ATP6V0A1: variants seen among roughly 807,000 people sequenced by gnomAD.
ATP6V0A1 encodes V-type proton ATPase 116 kDa subunit a 1.
ATP6V0A1 carries 43 observed loss-of-function variants against 105.4 expected under a neutral mutation model. That is an observed-to-expected ratio of 0.41 (90% confidence interval 0.32 to 0.53). The LOEUF (loss-of-function observed/expected upper bound fraction) is 0.53. ATP6V0A1 is among the 20% of genes least tolerant of loss of function. The pLI, the probability that ATP6V0A1 is intolerant of heterozygous loss-of-function variation, is 0.30. For synonymous variants in ATP6V0A1, 362 were observed against 372.8 expected, an observed-to-expected ratio of 0.97 and a Z score of 0.33; for missense variants, 676 against 1,051.1, an observed-to-expected ratio of 0.64 and a Z score of 4.93.
chr17:42,470,314 T>G (rs2087719369), intron 5 of ATP6V0A1, 96 bp downstream of exon 5: 2 of 1,475,538 alleles, frequency 1.4e-6, no homozygotes, highest in African/African-American at 2.8e-5. Flanking sequence ...AATTTGCTAG[T>G]TTGGAAGCAA....
In ATP6V0A1 at chr17:42,468,079, C is replaced by T. The variant is rs1166231450; in HGVS notation, c.266C>T (p.Pro89Leu). Residue 89 changes from proline to leucine, a missense_variant, in exon 4 of 22, where the codon CCC (proline) becomes CTC (leucine). Physicochemically the swap from Pro to Leu is moderately conservative, Grantham distance 98 (BLOSUM62 -3). Coordinates refer to ENST00000343619, the MANE Select transcript of ATP6V0A1 (RefSeq NM_001130021.3). ...IMDTGENPEV[P>L]FPRDMIDLEA... ...GACACCGGTGAAAACCCAGAGGTTC[C>T]CTTCCCCCGGGACATGATTGACTTA... 1 of 1,599,206 alleles carries T rather than the reference C, an allele frequency of 6.3e-7. No homozygotes were observed. Among genetic ancestry groups the T allele is most frequent in the Non-Finnish European group, 8.5e-7 (1 of 1,172,320 alleles).
intron 21 of ATP6V0A1, chr17:42,520,486 T>C: frequency 2.2e-6 from 1 of 456,694 alleles, no homozygotes; most frequent in East Asian, 6.9e-5. Flanking sequence ...GAGAATATTT[T>C]TGCCATTGCT....
chr17:42,498,862 A>G (rs932668438), intron 14 of ATP6V0A1, 62 bp from the exon 15 acceptor site: 1 of 1,140,928 alleles, frequency 8.8e-7, no homozygotes, highest in African/African-American at 1.6e-5. Flanking sequence ...TTTTAAACAG[A>G]GGAATATTTT....
intron 21 of ATP6V0A1, chr17:42,520,690 G>C (rs1263895009): frequency 4.7e-6 from 2 of 422,788 alleles, no homozygotes; most frequent in Admixed American, 6.0e-5. Context: ...TGCCAGGAGG[G>C]GGCGATGGGG....
rs781753639 is a variant in ATP6V0A1 at position 42,522,440 on chromosome 17, C to G, written c.*1320C>G. ...ACCTGACCCGACCTTGTGCAGCCCC[C>G]CTGCCCTGGTGTCCTGGGTTTTCGT... is the stretch of plus-strand genomic sequence containing the variant. On this transcript the variant is annotated 3_prime_UTR_variant, in exon 22 of 22. Transcript: ENST00000343619. 2 of 152,752 alleles carry G rather than the reference C, an allele frequency of 1.3e-5. No individual in the cohort carries two copies. The highest frequency in any genetic ancestry group is 2.9e-5 in the Non-Finnish European group (2 of 68,410). The allele number at this position is 152,752 out of a possible 1,614,324, so 9.5% of individuals were successfully genotyped here.
At chr17:42,461,399 T>C (rs902348316) in intron 2 of ATP6V0A1, among the ~76,000 whole-genome samples, 4 of 152,212 alleles carry the variant, frequency 2.6e-5, no homozygotes, top group African/African-American at 7.2e-5. Context: ...GCTACAGATA[T>C]ATAGTATATA....
At chr17:42,496,703 C>T (rs938638612) in intron 14 of ATP6V0A1, among the ~76,000 whole-genome samples, 14 of 151,914 alleles carry the variant, frequency 9.2e-5, no homozygotes, top group African/African-American at 2.2e-4. Context: ...TAGCTGGGCA[C>T]GGTGGCATAT....
chr17:42,495,120 C>T lies in ATP6V0A1; in HGVS notation c.1401C>T (p.Cys467=), dbSNP rs777693334. The change falls in exon 13 of 22, where the codon TGC becomes TGT. Residue 467 remains cysteine (C), a synonymous_variant. Transcript: ENST00000343619. The part of the protein sequence containing the change: ...SMYTGLIYND[C]FSKSLNIFGS... ...ACACTGGCCTCATCTACAATGATTG[C>T]TTTTCCAAGTCTCTTAATATCTTTG... The T allele has an allele frequency of 3.5e-5, 56 of 1,613,892 alleles. No individual in the cohort carries two copies. The East Asian group carries it at 1.2e-3, about 35-fold the overall frequency.
intron 15 of ATP6V0A1, among the ~76,000 whole-genome samples, chr17:42,500,321 A>T (rs1293372318): frequency 6.6e-6 from 1 of 152,110 alleles, no homozygotes; most frequent in East Asian, 1.9e-4. Context: ...TCTACAAAAA[A>T]ATGTAAAAAT....
intron 12 of ATP6V0A1, chr17:42,494,684 A>G: frequency 1.7e-6 from 1 of 587,310 alleles, no homozygotes. Context: ...GAGGCAGGAG[A>G]ATCACTTGAG....
chr17:42,463,158 G>A (rs2086644558), intron 2 of ATP6V0A1, among the ~76,000 whole-genome samples: 2 of 83,790 alleles, frequency 2.4e-5, no homozygotes, highest in African/African-American at 4.4e-5. Flanking sequence ...GCACACCGCC[G>A]AGCCCGGCTA....
chr17:42,462,790 A>T (rs1276499841), intron 2 of ATP6V0A1, among the ~76,000 whole-genome samples: 1 of 151,382 alleles, frequency 6.6e-6, no homozygotes, highest in Non-Finnish European at 1.5e-5. Flanking sequence ...ATTAAGAAAA[A>T]AAATAGAGAT....
intron 4 of ATP6V0A1, among the ~76,000 whole-genome samples, chr17:42,468,405 C>G (rs2087399484): frequency 6.6e-6 from 1 of 152,154 alleles, no homozygotes; most frequent in Non-Finnish European, 1.5e-5. Context: ...TCTCTTCTAG[C>G]TATTTTGAAA....
intron 14 of ATP6V0A1, chr17:42,496,112 T>C (rs1292414549): frequency 6.0e-6 from 1 of 165,844 alleles, no homozygotes; most frequent in African/African-American, 2.4e-5. Context: ...CAAAAATAGT[T>C]ATGTGGGTTT....
Position 42,487,165 on chromosome 17 carries a change from A to G in ATP6V0A1, c.821A>G (p.Gln274Arg). Residue 274 changes from glutamine to arginine, a missense_variant, in exon 10 of 22, where the codon CAA (glutamine) becomes CGA (arginine). This residue lies in a region of ATP6V0A1 where 239 missense variants were observed against 388.4 expected (regional missense o/e 0.62). Coordinates refer to ENST00000343619, the MANE Select transcript of ATP6V0A1 (RefSeq NM_001130021.3). ...CTTTTCTCCCCAAAGGTTCTGAATC[A>G]AACGGAGGATCACCGCCAGAGGGTT... ...RIDDLQMVLN[Q>R]TEDHRQRVLQ... The G allele has an allele frequency of 3.1e-6, 5 of 1,614,196 alleles. No homozygotes were observed. Among genetic ancestry groups the G allele is most frequent in the Non-Finnish European group, 4.2e-6 (5 of 1,180,030 alleles).
At chr17:42,497,733 G>T (rs560125109) in intron 14 of ATP6V0A1, among the ~76,000 whole-genome samples, 145 of 149,408 alleles carry the variant, frequency 9.7e-4, no homozygotes, top group African/African-American at 3.4e-3. Flanking sequence ...CAATATTGTG[G>T]TCATGTTTTA....
At chr17:42,478,637 C>A in intron 7 of ATP6V0A1, 48 bp downstream of exon 7, 1 of 1,494,826 alleles carries the variant, frequency 6.7e-7, no homozygotes, top group Non-Finnish European at 9.0e-7. Context: ...GTAAAGGGAG[C>A]CCAGAGCAGT....
chr17:42,477,652 A>T lies in ATP6V0A1; in HGVS notation c.424-8A>T, dbSNP rs2088927517. 6.2e-7 allele frequency: 1 copy of T among 1,613,478 alleles called. No individual in the cohort carries two copies. Among genetic ancestry groups the T allele is most frequent in the South Asian group, 1.1e-5 (1 of 91,004 alleles). ...TTGTGAATTCAGGCTGAATTGCATCATCAGCAGATGGCGGATCCAGACTTG... is the reference window on the plus strand; with the variant it reads ...TTGTGAATTCAGGCTGAATTGCATCTTCAGCAGATGGCGGATCCAGACTTG... On this transcript the variant is annotated splice_region_variant and splice_polypyrimidine_tract_variant and intron_variant, in intron 5 of 21. Transcript: ENST00000343619.
At chr17:42,514,218 C>T (rs879721714) in intron 20 of ATP6V0A1, 71 bp from the exon 21 acceptor site, 19 of 1,519,598 alleles carry the variant, frequency 1.3e-5, no homozygotes, top group Non-Finnish European at 1.6e-5. Context: ...AGGGGGATGG[C>T]AGAGCAAAAT....
Sources: gnomAD v4.1 joint callset for allele counts (sites outside exome capture counted in the v4.1 genomes callset) on GRCh38, gnomAD v4.1.1 for gene constraint, gnomAD v4.1.1 regional missense constraint, MANE v1.5 for transcripts, NCBI Gene and HGNC (gene_info 2026-07-23, HGNC 2026-07-21) for gene names.